TENM3: variants seen among roughly 807,000 people sequenced by gnomAD.
The protein encoded by TENM3 is teneurin transmembrane protein 3, also known as teneurin-3.
TENM3 carries 63 observed loss-of-function variants against 255.1 expected under a neutral mutation model. That is an observed-to-expected ratio of 0.25 (90% CI 0.20 to 0.30). The LOEUF (loss-of-function observed/expected upper bound fraction) is 0.30. Among genes scored for constraint, TENM3 ranks in the 10% least tolerant of loss-of-function variants. TENM3 has a pLI of 1.00. For synonymous variants in TENM3, 1,306 were observed against 1,322.3 expected (o/e 0.99, Z 0.27); for missense variants, 2,929 against 3,461.1 (o/e 0.85, Z 3.86).
At chr4:181,752,831 A>T in the TENM3 span, among the ~76,000 whole-genome samples, 1 of 152,122 alleles carries the variant, frequency 6.6e-6, no homozygotes, top group South Asian at 2.1e-4. Context: ...TGTGATCAAG[A>T]AAAAATAAAG....
chr4:181,685,257 G>A, the TENM3 span, among the ~76,000 whole-genome samples: 2 of 152,032 alleles, frequency 1.3e-5, no homozygotes, highest in African/African-American at 4.8e-5. Flanking sequence ...TAGTCCTAAT[G>A]TTACAAAATT....
chr4:182,432,848 G>GT (rs879866790), intron 3 of TENM3, among the ~76,000 whole-genome samples: 69,381 of 147,292 alleles, frequency 0.47, 17,139 homozygotes, highest in South Asian at 0.58. Context: ...GAATGGATTT[G>GT]GGTGTGTGTG....
At chr4:182,473,826 G>T (rs1194251271) in intron 3 of TENM3, among the ~76,000 whole-genome samples, 1 of 151,490 alleles carries the variant, frequency 6.6e-6, no homozygotes, top group Non-Finnish European at 1.5e-5. Flanking sequence ...AGGTATGTTG[G>T]CACCACCTGT....
At chr4:182,796,607 C>A in intron 26 of TENM3, 30 bp from the exon 27 acceptor site, 1 of 1,556,282 alleles carries the variant, frequency 6.4e-7, no homozygotes, top group Non-Finnish European at 8.7e-7. Context: ...CAAACTCCAA[C>A]ACCTTTCATT....
intron 1 of TENM3, among the ~76,000 whole-genome samples, chr4:182,232,133 T>A (rs549652227): frequency 6.6e-6 from 1 of 152,290 alleles, no homozygotes; most frequent in South Asian, 2.1e-4. Flanking sequence ...GTTGGTAGCG[T>A]ATATACAAAT....
chr4:182,431,404 G>A (rs913038389), intron 3 of TENM3, among the ~76,000 whole-genome samples: 1 of 152,080 alleles, frequency 6.6e-6, no homozygotes, highest in Non-Finnish European at 1.5e-5. Context: ...TGAGGCAGAA[G>A]AATAGCTTGA....
At chr4:182,326,168 G>T (rs1181534033) in intron 2 of TENM3, among the ~76,000 whole-genome samples, 1 of 152,200 alleles carries the variant, frequency 6.6e-6, no homozygotes, top group Non-Finnish European at 1.5e-5. Context: ...AGTGTGTGAT[G>T]GTGCCGCAGG....
the TENM3 span, among the ~76,000 whole-genome samples, chr4:181,717,760 T>C: frequency 1.3e-5 from 2 of 152,192 alleles, no homozygotes; most frequent in Non-Finnish European, 2.9e-5. Context: ...GTCTAGAATG[T>C]GTATCTATTC....
the TENM3 span, among the ~76,000 whole-genome samples, chr4:181,582,084 C>T: frequency 5.9e-5 from 9 of 152,174 alleles, no homozygotes; most frequent in African/African-American, 1.7e-4. Context: ...AGCACAAGCT[C>T]ATATTGTAAG....
At chr4:182,271,485 G>T (rs2150218976) in intron 1 of TENM3, among the ~76,000 whole-genome samples, 1 of 152,280 alleles carries the variant, frequency 6.6e-6, no homozygotes, top group South Asian at 2.1e-4. Context: ...GGGTCCAGTT[G>T]TGCATTTCAA....
chr4:182,137,821 T>C, the TENM3 span, among the ~76,000 whole-genome samples: 4 of 152,234 alleles, frequency 2.6e-5, no homozygotes, highest in Non-Finnish European at 4.4e-5. Context: ...TCAACATCCA[T>C]AACTTAGTAC....
intron 3 of TENM3, among the ~76,000 whole-genome samples, chr4:182,538,111 G>C (rs1365467399): frequency 1.3e-5 from 2 of 152,154 alleles, no homozygotes; most frequent in Non-Finnish European, 2.9e-5. Flanking sequence ...CTTTTAGATA[G>C]TGTTTTTTAT....
At chr4:182,362,168 G>T (rs1482059498) in intron 3 of TENM3, among the ~76,000 whole-genome samples, 1 of 152,128 alleles carries the variant, frequency 6.6e-6, no homozygotes, top group Non-Finnish European at 1.5e-5. Context: ...GGGGTCAGGG[G>T]TCAGGGACCC....
chr4:182,584,857 G>A (rs192736034), intron 3 of TENM3, among the ~76,000 whole-genome samples: 222 of 152,040 alleles, frequency 1.5e-3, no homozygotes, highest in African/African-American at 5.1e-3. Context: ...GTTCAGGCCG[G>A]TCTCGATCTC....
intron 3 of TENM3, among the ~76,000 whole-genome samples, chr4:182,392,048 A>G (rs539775720): frequency 1.3e-5 from 2 of 152,344 alleles, no homozygotes; most frequent in South Asian, 4.1e-4. Flanking sequence ...AACTTTACTT[A>G]TAATTCAACT....
chr4:182,013,445 GA>G, the TENM3 span, among the ~76,000 whole-genome samples: 1 of 152,220 alleles, frequency 6.6e-6, no homozygotes, highest in Non-Finnish European at 1.5e-5. Context: ...TCCAGTGACA[GA>G]AGAATATCAG....
Position 182,736,955 on chromosome 4 carries a change from G to T in TENM3, c.3115G>T (p.Ala1039Ser). Residue 1039 changes from alanine to serine, a missense_variant, in exon 17 of 28, where the codon GCT becomes TCT. By Grantham distance (99) the Ala-to-Ser change is moderately conservative. Around this residue, in one of 6 missense-constraint regions of TENM3, gnomAD observed 1,608 missense variants for 1,884.4 expected, o/e 0.85. Transcript: ENST00000511685. ...TTTAATGAAGGTTCATCTTATGGTA[G>T]CTGTAGTAGGAAGACTCTTCCAAAA... is the stretch of plus-strand genomic sequence containing the variant. ...FNLMKVHLMV[A>S]VVGRLFQKWF... The T allele has an allele frequency of 6.2e-7, 1 of 1,613,866 alleles. No individual in the cohort carries two copies. The highest frequency in any genetic ancestry group is 8.5e-7 in the Non-Finnish European group (1 of 1,179,848).
the TENM3 span, among the ~76,000 whole-genome samples, chr4:181,807,771 G>A: frequency 6.6e-6 from 1 of 152,176 alleles, no homozygotes; most frequent in Non-Finnish European, 1.5e-5. Flanking sequence ...CCACCTAAAT[G>A]GGAGTTAAAG....
chr4:182,414,390 G>A (rs959398361), intron 3 of TENM3, among the ~76,000 whole-genome samples: 1 of 151,992 alleles, frequency 6.6e-6, no homozygotes, highest in Non-Finnish European at 1.5e-5. Flanking sequence ...TTTGGAAGGG[G>A]ATACTGTGAT....
Sources: allele counts gnomAD v4.1 joint callset (sites outside exome capture counted in the v4.1 genomes callset), GRCh38; gene constraint gnomAD v4.1.1; regional missense constraint gnomAD v4.1.1; transcripts MANE v1.5; gene names NCBI Gene and HGNC (gene_info 2026-07-23, HGNC 2026-07-21).